Variants in CHODL observed in about 807,000 individuals in gnomAD.
CHODL encodes chondrolectin.
Under a neutral mutation model 34.5 loss-of-function variants are expected in CHODL, and 29 were observed. The observed-to-expected ratio is 0.84, with a 90% CI of 0.63 to 1.15. CHODL has a LOEUF of 1.15. Among genes scored for constraint, CHODL ranks in the 50% most tolerant of loss-of-function variants. The probability of loss-of-function intolerance (pLI) is 0.00; values close to 1 mark genes in which losing one functional copy is unlikely to be tolerated. For missense variants in CHODL, 332 were observed against 332.5 expected (o/e 1.00, Z 0.01); for synonymous variants, 125 against 116.1 (o/e 1.08, Z -0.49).
intron 1 of CHODL, among the ~76,000 whole-genome samples, chr21:17,923,464 T>C (rs1459638691): frequency 1.3e-5 from 2 of 149,212 alleles, no homozygotes; most frequent in Non-Finnish European, 3.0e-5. Context: ...ATTCTTCAGT[T>C]TTTTTTTTTT....
chr21:18,194,664 G>C (rs1403123861), intron 2 of CHODL, among the ~76,000 whole-genome samples: 1 of 150,874 alleles, frequency 6.6e-6, no homozygotes, highest in Admixed American at 6.6e-5. Flanking sequence ...TGTATTTACA[G>C]TGTATAAGGT....
chr21:18,199,749 T>G (rs2146706360), intron 2 of CHODL, among the ~76,000 whole-genome samples: 1 of 152,292 alleles, frequency 6.6e-6, no homozygotes, highest in Non-Finnish European at 1.5e-5. Context: ...TTTATCCGTT[T>G]AAGTTTCTCC....
intron 1 of CHODL, chr21:18,245,772 G>T (rs948619817): frequency 4.4e-6 from 3 of 688,412 alleles, no homozygotes; most frequent in Admixed American, 2.4e-5. Context: ...AGATCAGTTC[G>T]CTGTGGGTCG....
intron 2 of CHODL, among the ~76,000 whole-genome samples, chr21:18,107,085 C>T (rs9978767): frequency 0.074 from 11,205 of 152,192 alleles, 1,364 homozygotes; most frequent in African/African-American, 0.25. Context: ...AAGGGAAGTA[C>T]GAATAGCAAT....
intron 2 of CHODL, among the ~76,000 whole-genome samples, chr21:18,108,838 TGTGTGTGTG>T (rs953435249): frequency 4.5e-5 from 2 of 44,254 alleles, no homozygotes; most frequent in South Asian, 7.8e-4. Context: ...TTTGCAATGT[TGTGTGTGTG>T]TGTGTGTGTG....
chr21:18,075,594 A>C (rs1322718869), intron 2 of CHODL, among the ~76,000 whole-genome samples: 1 of 152,170 alleles, frequency 6.6e-6, no homozygotes, highest in Non-Finnish European at 1.5e-5. Context: ...GGTTGTAGTA[A>C]GAATATACGG....
At chr21:18,045,220 T>C (rs963526362) in intron 2 of CHODL, among the ~76,000 whole-genome samples, 3 of 151,880 alleles carry the variant, frequency 2.0e-5, no homozygotes, top group Non-Finnish European at 4.4e-5. Flanking sequence ...AGCCTAAAGA[T>C]AAAATACCCT....
At chr21:17,961,886 G>A (rs1267565350) in intron 1 of CHODL, among the ~76,000 whole-genome samples, 2 of 152,180 alleles carry the variant, frequency 1.3e-5, no homozygotes, top group Non-Finnish European at 2.9e-5. Context: ...AGAAGAAAGG[G>A]TCTAGTATTT....
intron 1 of CHODL, among the ~76,000 whole-genome samples, chr21:17,973,321 C>G (rs552327703): frequency 6.6e-6 from 1 of 151,868 alleles, no homozygotes; most frequent in Admixed American, 6.6e-5. Context: ...AGCTCCTGCA[C>G]AGCAAAAGAA....
intron 1 of CHODL, among the ~76,000 whole-genome samples, chr21:17,924,042 T>C (rs2063204719): frequency 6.6e-6 from 1 of 152,122 alleles, no homozygotes; most frequent in Non-Finnish European, 1.5e-5. Flanking sequence ...TCTTGGAGTT[T>C]GAGGGATAGA....
intron 1 of CHODL, among the ~76,000 whole-genome samples, chr21:17,998,889 A>G (rs2063878240): frequency 6.6e-6 from 1 of 152,180 alleles, no homozygotes; most frequent in Non-Finnish European, 1.5e-5. Flanking sequence ...TGTTTTCCCC[A>G]TGGTATTGGT....
At chr21:17,991,872 G>C (rs1408615957) in intron 1 of CHODL, among the ~76,000 whole-genome samples, 1 of 152,032 alleles carries the variant, frequency 6.6e-6, no homozygotes, top group Non-Finnish European at 1.5e-5. Context: ...ATTTGCTTTT[G>C]AAGTCATAGC....
At chr21:18,061,482 A>G (rs2064664644) in intron 2 of CHODL, among the ~76,000 whole-genome samples, 1 of 152,236 alleles carries the variant, frequency 6.6e-6, no homozygotes, top group Non-Finnish European at 1.5e-5. Flanking sequence ...ATATTTCTCA[A>G]GGAACAGTCA....
intron 2 of CHODL, among the ~76,000 whole-genome samples, chr21:18,171,396 CG>C (rs372823566): frequency 0.012 from 1,720 of 148,828 alleles, 21 homozygotes; most frequent in East Asian, 0.023. Flanking sequence ...TTAGTAGAGA[CG>C]GGGGTTTCAC....
chr21:18,235,251 C>A (rs1392637331), intron 2 of CHODL, among the ~76,000 whole-genome samples: 1 of 151,840 alleles, frequency 6.6e-6, no homozygotes, highest in Non-Finnish European at 1.5e-5. Context: ...AGCTTTAGAG[C>A]AGATGAATAT....
chr21:18,211,766 TAGAC>T (rs2073777364), intron 2 of CHODL, among the ~76,000 whole-genome samples: 1 of 152,230 alleles, frequency 6.6e-6, no homozygotes, highest in Non-Finnish European at 1.5e-5. Flanking sequence ...GTTCCTGTAT[TAGAC>T]AGAACCGACC....
intron 2 of CHODL, among the ~76,000 whole-genome samples, chr21:18,095,896 C>G (rs889172353): frequency 3.3e-5 from 5 of 152,162 alleles, no homozygotes; most frequent in African/African-American, 1.2e-4. Flanking sequence ...GAATGAGGAA[C>G]AAAAACCATA....
At chr21:18,182,275 A>G (rs1250890260) in intron 2 of CHODL, among the ~76,000 whole-genome samples, 1 of 152,198 alleles carries the variant, frequency 6.6e-6, no homozygotes, top group Non-Finnish European at 1.5e-5. Context: ...ACAATTTAAG[A>G]TGATCATCCA....
At chr21:18,087,839 G>T (rs1305828261) in intron 2 of CHODL, among the ~76,000 whole-genome samples, 1 of 152,110 alleles carries the variant, frequency 6.6e-6, no homozygotes, top group Non-Finnish European at 1.5e-5. Context: ...CCTGAGACTG[G>T]GTAGTTTATG....
Sources: allele counts gnomAD v4.1 joint callset (sites outside exome capture counted in the v4.1 genomes callset), GRCh38; gene constraint gnomAD v4.1.1; transcripts MANE v1.5; gene names NCBI Gene and HGNC (gene_info 2026-07-23, HGNC 2026-07-21).